ARL15: variants seen among roughly 807,000 people sequenced by gnomAD.
ARL15 encodes the protein ADP-ribosylation factor-like protein 15.
Under a neutral mutation model 25.2 loss-of-function variants are expected in ARL15, and 19 were observed. That is an observed-to-expected ratio of 0.75 (90% CI 0.53 to 1.10). ARL15 has a LOEUF of 1.10. Ranked by LOEUF, ARL15 falls within the 50% of genes least tolerant of loss-of-function variation. The pLI is 0.00. For synonymous variants in ARL15, 94 were observed against 86.8 expected (o/e 1.08, Z -0.46); for missense variants, 220 against 246.0 (o/e 0.89, Z 0.71).
chr5:54,108,594 G>C (rs1459568684), intron 4 of ARL15, among the ~76,000 whole-genome samples: 1 of 151,978 alleles, frequency 6.6e-6, no homozygotes, highest in Non-Finnish European at 1.5e-5. Context: ...TAAAAGATTT[G>C]TCACATGAAG....
At chr5:54,115,194 G>A (rs144977601) in intron 3 of ARL15, among the ~76,000 whole-genome samples, 1 of 152,290 alleles carries the variant, frequency 6.6e-6, no homozygotes, top group Non-Finnish European at 1.5e-5. Flanking sequence ...TATTTTCTGG[G>A]AGAAATAGAA....
chr5:54,166,082 A>C (rs1754554688), intron 2 of ARL15, among the ~76,000 whole-genome samples: 1 of 152,138 alleles, frequency 6.6e-6, no homozygotes, highest in Non-Finnish European at 1.5e-5. Flanking sequence ...GGGCACTGGG[A>C]CCCAGCCAGT....
At chr5:54,189,277 A>G (rs931666403) in intron 1 of ARL15, among the ~76,000 whole-genome samples, 48 of 152,308 alleles carry the variant, frequency 3.2e-4, no homozygotes, top group Admixed American at 2.1e-3. Flanking sequence ...CAAAATCTAA[A>G]TAATTTTTTT....
intron 4 of ARL15, among the ~76,000 whole-genome samples, chr5:53,933,427 C>T (rs1000205081): frequency 3.3e-5 from 5 of 151,894 alleles, no homozygotes; most frequent in East Asian, 1.9e-4. Flanking sequence ...TGGGCGATCA[C>T]GAGGTCAGGA....
At chr5:54,249,145 A>G (rs1757172101) in intron 1 of ARL15, among the ~76,000 whole-genome samples, 1 of 152,232 alleles carries the variant, frequency 6.6e-6, no homozygotes, top group Admixed American at 6.5e-5. Context: ...AGGATAGCGT[A>G]TTATGGAAGC....
chr5:54,114,421 A>AAAAAAAAAAAAAAAAC, intron 3 of ARL15, among the ~76,000 whole-genome samples: 1 of 150,216 alleles, frequency 6.7e-6, no homozygotes, highest in East Asian at 2.0e-4. Flanking sequence ...AAAAAAAAAA[A>AAAAAAAAAAAAAAAAC]AGCAACACCA....
chr5:53,942,496 C>T (rs2084502467), intron 4 of ARL15, among the ~76,000 whole-genome samples: 1 of 151,990 alleles, frequency 6.6e-6, no homozygotes. Context: ...GCCTGTAATC[C>T]CAGCATTTTG....
chr5:54,242,172 C>G (rs1405801091), intron 1 of ARL15, among the ~76,000 whole-genome samples: 1 of 148,762 alleles, frequency 6.7e-6, no homozygotes, highest in African/African-American at 2.6e-5. Flanking sequence ...CACACACGCA[C>G]ACACACACAC....
intron 4 of ARL15, among the ~76,000 whole-genome samples, chr5:53,931,898 T>C (rs1746205003): frequency 6.6e-6 from 1 of 152,232 alleles, no homozygotes; most frequent in Non-Finnish European, 1.5e-5. Context: ...TTGGGACTTA[T>C]ATATCATCTA....
chr5:54,003,335 C>T (rs1055294255), intron 4 of ARL15, among the ~76,000 whole-genome samples: 2 of 152,190 alleles, frequency 1.3e-5, no homozygotes, highest in African/African-American at 2.4e-5. Context: ...AACAACCACA[C>T]GTGAGCTGGG....
At chr5:54,029,411 A>T (rs1486036635) in intron 4 of ARL15, among the ~76,000 whole-genome samples, 1 of 149,142 alleles carries the variant, frequency 6.7e-6, no homozygotes. Flanking sequence ...GAGAAGACAC[A>T]ATACAGCTCT....
intron 1 of ARL15, among the ~76,000 whole-genome samples, chr5:54,194,959 G>A (rs927483491): frequency 1.3e-5 from 2 of 152,026 alleles, no homozygotes; most frequent in Non-Finnish European, 2.9e-5. Context: ...CAAAGAGTAG[G>A]GTGTCTCAGT....
At chr5:54,167,961 G>A (rs115072371) in intron 2 of ARL15, among the ~76,000 whole-genome samples, 1 of 152,008 alleles carries the variant, frequency 6.6e-6, no homozygotes, top group Non-Finnish European at 1.5e-5. Context: ...TTAGACTTAC[G>A]TTTACCTTAT....
Position 54,070,359 on chromosome 5 carries a change from C to T in ARL15, c.462+42843G>A, listed in dbSNP as rs1430677686. Among the ~76,000 whole-genome samples the T allele has an allele frequency of 1.6e-4, 24 of 151,334 alleles. No individual in the cohort carries two copies. The South Asian group carries it at 4.8e-3, about 30-fold the overall frequency. The stretch of plus-strand genomic sequence containing the variant: ...GTGAGCCGAGATCGCGCCACTGCAC[C>T]CCAGCCTGGGCGACAGAGCGAGACT... On this transcript the variant is annotated intron_variant, in intron 4 of 4. Transcript: ENST00000504924.
At chr5:54,060,005 C>T (rs76387935) in intron 4 of ARL15, among the ~76,000 whole-genome samples, 2,845 of 151,646 alleles carry the variant, frequency 0.019, 94 homozygotes, top group African/African-American at 0.066. Flanking sequence ...TATACTGATA[C>T]GGTTTGGCTG....
chr5:53,937,976 A>G lies in ARL15; in HGVS notation c.463-51263T>C, dbSNP rs368292226. 1.8e-3 allele frequency among the ~76,000 whole-genome samples: 276 copies of G among 152,270 alleles called. 1 individual carries two copies. Among genetic ancestry groups the G allele is most frequent in the African/African-American group, 6.4e-3 (265 of 41,560 alleles). On this transcript the variant is annotated intron_variant, in intron 4 of 4. Transcript: ENST00000504924. ...TTCCATGGCCATTCATGTCAACGTC[A>G]TATCTGTGTTTATATTCATTCTCAT...
At chr5:54,233,661 G>A (rs1215503463) in intron 1 of ARL15, among the ~76,000 whole-genome samples, 2 of 152,292 alleles carry the variant, frequency 1.3e-5, no homozygotes, top group East Asian at 1.9e-4. Flanking sequence ...CACTGATATG[G>A]TTTCAGGTTC....
intron 1 of ARL15, among the ~76,000 whole-genome samples, chr5:54,249,921 G>A (rs375484223): frequency 1.3e-5 from 2 of 152,166 alleles, no homozygotes; most frequent in African/African-American, 4.8e-5. Context: ...AGGGTCCTGT[G>A]GAGAATATAT....
chr5:54,131,155 TA>T (rs1188304254), intron 3 of ARL15, among the ~76,000 whole-genome samples: 1 of 152,190 alleles, frequency 6.6e-6, no homozygotes, highest in African/African-American at 2.4e-5. Flanking sequence ...AATATACCAT[TA>T]AAATATTATC....
Sources: allele counts gnomAD v4.1 joint callset (sites outside exome capture counted in the v4.1 genomes callset), GRCh38; gene constraint gnomAD v4.1.1; transcripts MANE v1.5; gene names NCBI Gene and HGNC (gene_info 2026-07-23, HGNC 2026-07-21).